Variants in SLC39A11 observed in about 807,000 individuals in gnomAD.
The protein encoded by SLC39A11 is solute carrier family 39 member 11, also known as zinc transporter ZIP11.
Under a neutral mutation model 36.1 loss-of-function variants are expected in SLC39A11, and 33 were observed. The observed-to-expected ratio is 0.91, with a 90% CI of 0.69 to 1.22. The LOEUF (loss-of-function observed/expected upper bound fraction) is 1.22, where lower values mean the gene tolerates loss of function less well. Ranked by LOEUF, SLC39A11 falls within the 50% of genes most tolerant of loss-of-function variation. The probability of loss-of-function intolerance (pLI) is 0.00; values close to 1 mark genes in which losing one functional copy is unlikely to be tolerated. For missense variants in SLC39A11, 432 were observed against 430.3 expected (o/e 1.00, Z -0.03); for synonymous variants, 166 against 170.3 (o/e 0.97, Z 0.20).
chr17:73,006,370 T>C (rs1203441399), intron 4 of SLC39A11, among the ~76,000 whole-genome samples: 1 of 152,164 alleles, frequency 6.6e-6, no homozygotes, highest in Non-Finnish European at 1.5e-5. Context: ...AAACTATGGA[T>C]TGTGGGCCAA....
chr17:72,958,202 T>C (rs771971619), intron 4 of SLC39A11, among the ~76,000 whole-genome samples: 2 of 152,200 alleles, frequency 1.3e-5, no homozygotes, highest in East Asian at 1.9e-4. Context: ...TCTCACCTTA[T>C]ACAAAAATCA....
chr17:72,851,005 T>C (rs1450271209), intron 5 of SLC39A11, among the ~76,000 whole-genome samples: 2 of 152,000 alleles, frequency 1.3e-5, no homozygotes, highest in Admixed American at 1.3e-4. Context: ...CGCGAGCAGC[T>C]CTGCCACAAT....
chr17:72,737,418 T>C (rs1335172219), intron 6 of SLC39A11, among the ~76,000 whole-genome samples: 1 of 152,212 alleles, frequency 6.6e-6, no homozygotes, highest in Non-Finnish European at 1.5e-5. Flanking sequence ...GTTGAGTAGT[T>C]GGGACAGAAA....
At chr17:73,041,904 A>G (rs951435718) in intron 3 of SLC39A11, among the ~76,000 whole-genome samples, 1 of 152,248 alleles carries the variant, frequency 6.6e-6, no homozygotes, top group East Asian at 1.9e-4. Flanking sequence ...AGAAAGGCTC[A>G]TAATCCGATC....
intron 7 of SLC39A11, among the ~76,000 whole-genome samples, chr17:72,690,509 C>A (rs118009065): frequency 6.6e-6 from 1 of 152,212 alleles, no homozygotes; most frequent in Non-Finnish European, 1.5e-5. Flanking sequence ...CTTGTACACA[C>A]ATGTGCATGG....
intron 5 of SLC39A11, among the ~76,000 whole-genome samples, chr17:72,907,982 T>C (rs142810082): frequency 8.5e-5 from 13 of 152,320 alleles, no homozygotes; most frequent in African/African-American, 2.9e-4. Context: ...AGAGGACAGA[T>C]ACATCACTTA....
At chr17:72,856,307 G>C (rs968282828) in intron 5 of SLC39A11, among the ~76,000 whole-genome samples, 7 of 152,220 alleles carry the variant, frequency 4.6e-5, no homozygotes, top group African/African-American at 1.7e-4. Context: ...TTGACTACAA[G>C]TGAGGTGGAA....
intron 6 of SLC39A11, among the ~76,000 whole-genome samples, chr17:72,816,566 CAG>C (rs1258935961): frequency 3.3e-5 from 5 of 152,202 alleles, no homozygotes; most frequent in Admixed American, 6.5e-5. Flanking sequence ...CCCAGGCTAA[CAG>C]AGAGGGTGAT....
intron 4 of SLC39A11, among the ~76,000 whole-genome samples, chr17:72,963,677 C>T (rs1378867677): frequency 2.6e-5 from 4 of 152,146 alleles, no homozygotes; most frequent in Admixed American, 2.0e-4. Flanking sequence ...ACAATCAAAG[C>T]TCCAAACTCA....
At chr17:72,903,911 T>A (rs1455458585) in intron 5 of SLC39A11, among the ~76,000 whole-genome samples, 4 of 152,120 alleles carry the variant, frequency 2.6e-5, no homozygotes, top group Non-Finnish European at 5.9e-5. Context: ...CAGGAGCAAG[T>A]GAGCTCCTGG....
At chr17:72,950,727 G>A (rs987887672) in intron 4 of SLC39A11, among the ~76,000 whole-genome samples, 6 of 152,192 alleles carry the variant, frequency 3.9e-5, no homozygotes, top group African/African-American at 1.4e-4. Flanking sequence ...GCATTAAGCT[G>A]CAACTGTGTA....
chr17:72,783,963 G>C (rs2076411745), intron 6 of SLC39A11, among the ~76,000 whole-genome samples: 1 of 152,174 alleles, frequency 6.6e-6, no homozygotes, highest in Non-Finnish European at 1.5e-5. Flanking sequence ...AGGGTGAAAA[G>C]TAGAAGCAGA....
chr17:73,084,043 G>A (rs1000599017), intron 3 of SLC39A11, among the ~76,000 whole-genome samples: 3 of 152,186 alleles, frequency 2.0e-5, no homozygotes, highest in East Asian at 1.9e-4. Context: ...GGGGAGGACA[G>A]GTGAACTGAG....
intron 5 of SLC39A11, among the ~76,000 whole-genome samples, chr17:72,858,423 T>C (rs1475440043): frequency 6.6e-6 from 1 of 152,204 alleles, no homozygotes; most frequent in Non-Finnish European, 1.5e-5. Context: ...GCCTTCAGCT[T>C]TGTTCTTTTT....
chr17:72,696,895 T>C lies in SLC39A11; in HGVS notation c.671+39755A>G, dbSNP rs369012709. Reference sequence around the variant, plus strand: ...TCAGCTTGCGGTTACAAGCGCCTCATGAGATACGCTTCAGCAGCTGCGTTT... The same window carrying C: ...TCAGCTTGCGGTTACAAGCGCCTCACGAGATACGCTTCAGCAGCTGCGTTT... On this transcript the variant is annotated intron_variant, in intron 7 of 9. Transcript: ENST00000255559. Among the ~76,000 whole-genome samples, 20 of 152,294 alleles carry C rather than the reference T, an allele frequency of 1.3e-4. No individual in the cohort carries two copies. The East Asian group carries it at 3.3e-3, about 25-fold the overall frequency.
At chr17:72,809,282 C>T (rs919409597) in intron 6 of SLC39A11, among the ~76,000 whole-genome samples, 1 of 150,948 alleles carries the variant, frequency 6.6e-6, no homozygotes, top group African/African-American at 2.5e-5. Context: ...TCTCCAGATA[C>T]CTCTCTTGGT....
At chr17:73,060,177 T>C (rs1448663431) in intron 3 of SLC39A11, among the ~76,000 whole-genome samples, 1 of 120,126 alleles carries the variant, frequency 8.3e-6, no homozygotes, top group Non-Finnish European at 1.6e-5. Flanking sequence ...GCCACTGCAC[T>C]CCAGCCTGGG....
At chr17:72,906,265 C>T (rs932696530) in intron 5 of SLC39A11, among the ~76,000 whole-genome samples, 1 of 152,184 alleles carries the variant, frequency 6.6e-6, no homozygotes. Flanking sequence ...CAGGAGTCCA[C>T]GGGAGAAGAG....
chr17:72,775,245 C>T (rs1295391412), intron 6 of SLC39A11, among the ~76,000 whole-genome samples: 1 of 152,184 alleles, frequency 6.6e-6, no homozygotes, highest in Non-Finnish European at 1.5e-5. Flanking sequence ...CCTTGCAGCC[C>T]AGTTTCCAGG....
Sources: gnomAD v4.1 joint callset for allele counts (sites outside exome capture counted in the v4.1 genomes callset) on GRCh38, gnomAD v4.1.1 for gene constraint, MANE v1.5 for transcripts, NCBI Gene and HGNC (gene_info 2026-07-23, HGNC 2026-07-21) for gene names.